Variants in BCR observed in about 807,000 individuals in gnomAD.
BCR encodes the protein BCR activator of RhoGEF and GTPase, also known as breakpoint cluster region protein.
In BCR, 58 loss-of-function variants were observed where a neutral mutation model predicts 138.6. The observed-to-expected ratio is 0.42, with a 90% confidence interval of 0.34 to 0.52. BCR has a LOEUF of 0.52. Ranked by LOEUF, BCR falls within the 20% of genes least tolerant of loss-of-function variation. BCR has a pLI of 0.06. For synonymous variants in BCR, 786 were observed against 730.1 expected (o/e 1.08, Z -1.23); for missense variants, 1,599 against 1,727.2 (o/e 0.93, Z 1.32).
At chr22:23,254,694 G>T in intron 2 of BCR, 1 of 454,458 alleles carries the variant, frequency 2.2e-6, no homozygotes, top group East Asian at 6.1e-5. Flanking sequence ...CTTCAGCAAT[G>T]CTCTGGGGCC....
intron 15 of BCR, among the ~76,000 whole-genome samples, chr22:23,294,710 C>T (rs1423324683): frequency 6.6e-6 from 1 of 152,202 alleles, no homozygotes; most frequent in African/African-American, 2.4e-5. Flanking sequence ...ATAGAAATAT[C>T]TTAACAAGTA....
chr22:23,245,348 C>G (rs750980279), intron 1 of BCR, among the ~76,000 whole-genome samples: 3 of 152,146 alleles, frequency 2.0e-5, no homozygotes, highest in Non-Finnish European at 4.4e-5. Flanking sequence ...TACGCTGATT[C>G]ATGACCCTGA....
rs755020236 is a variant in BCR, at chr22:23,253,821, T to C, written c.1302T>C (p.Pro434=). 1.2e-6 allele frequency: 2 copies of C among 1,612,502 alleles called. No individual in the cohort carries two copies. The highest frequency in any genetic ancestry group is 3.3e-5 in the Admixed American group (2 of 59,974). ...GDADGSFGTP[P]GYGCAADRAE... is the part of the protein sequence containing the mutation. Reference sequence around the variant, plus strand: ...CAGATGGCTCGTTCGGAACACCACCTGGATACGGCTGCGCTGCAGACCGGG... The same window carrying C: ...CAGATGGCTCGTTCGGAACACCACCCGGATACGGCTGCGCTGCAGACCGGG... Residue 434 remains proline, a synonymous_variant, in exon 2 of 23, where the codon CCT becomes CCC. Transcript: ENST00000305877.
intron 1 of BCR, among the ~76,000 whole-genome samples, chr22:23,213,848 AAAGAAG>A (rs10560949): frequency 0.011 from 1,706 of 151,476 alleles, 25 homozygotes; most frequent in African/African-American, 0.039. Flanking sequence ...AAAAAAAAAA[AAAGAAG>A]AAGAAGGAGG....
At chr22:23,305,394 G>T (rs1470100564) in intron 16 of BCR, among the ~76,000 whole-genome samples, 2 of 152,198 alleles carry the variant, frequency 1.3e-5, no homozygotes, top group African/African-American at 4.8e-5. Context: ...CCTTTGGAAG[G>T]TTTACTCATA....
At position 23,265,171 on chromosome 22, in the gene BCR, A is replaced by T. The variant is rs188171296; in HGVS notation, c.1753-3237A>T. On this transcript the variant is annotated intron_variant, in intron 4 of 22. Transcript: ENST00000305877. ...GAGGAACACTGGAATTTAACTTTGG[A>T]AGGTTTCCGCTGGCTGCCCTGGAGG... Among the ~76,000 whole-genome samples, 454 of 152,302 alleles carry T rather than the reference A, an allele frequency of 3.0e-3. 1 individual carries two copies. Among genetic ancestry groups the T allele is most frequent in the African/African-American group, 1.0e-2 (414 of 41,558 alleles).
intron 1 of BCR, among the ~76,000 whole-genome samples, chr22:23,228,176 A>T (rs192727519): frequency 5.9e-5 from 9 of 152,164 alleles, no homozygotes; most frequent in South Asian, 4.2e-4. Context: ...TTCATCTTTT[A>T]AAAAAAATTT....
rs901912960 is a variant in BCR, at chr22:23,291,475, C to G, written c.2782+1062C>G. Among the ~76,000 whole-genome samples, 4 of 152,004 alleles carry G rather than the reference C, an allele frequency of 2.6e-5. No homozygotes were observed. In the South Asian group the frequency reaches 6.2e-4, roughly 24 times the overall value. ...TCATAACATAATCTTTCTCCTGGGC[C>G]CCTGTCTCTGGCTGCCTCATAAACG... On this transcript the variant is annotated intron_variant, in intron 14 of 22. Coordinates refer to ENST00000305877, the MANE Select transcript of BCR (RefSeq NM_004327.4).
intron 14 of BCR, 21 bp from the exon 15 acceptor site, chr22:23,292,520 C>A: frequency 6.3e-7 from 1 of 1,581,718 alleles, no homozygotes; most frequent in South Asian, 1.1e-5. Flanking sequence ...TGACCTTCTC[C>A]ATGTCCACTT....
chr22:23,297,246 A>T, intron 16 of BCR, among the ~76,000 whole-genome samples: 1 of 118,932 alleles, frequency 8.4e-6, no homozygotes, highest in East Asian at 2.2e-4. Context: ...TTCGAGACAG[A>T]GTTTTGCTCT....
intron 1 of BCR, chr22:23,198,336 G>A (rs765382833): frequency 1.1e-5 from 5 of 442,488 alleles, no homozygotes; most frequent in South Asian, 4.9e-5. Flanking sequence ...GAGGGGACTG[G>A]TGGGCTGGAG....
At chr22:23,249,431 CAAAAA>C (rs535635463) in intron 1 of BCR, among the ~76,000 whole-genome samples, 1 of 66,204 alleles carries the variant, frequency 1.5e-5, no homozygotes, top group Non-Finnish European at 3.2e-5. Context: ...GACTCTGTCT[CAAAAA>C]AAAAAAAAAA....
intron 22 of BCR, among the ~76,000 whole-genome samples, chr22:23,315,021 A>G (rs180808): frequency 0.11 from 16,742 of 152,102 alleles, 1,542 homozygotes; most frequent in East Asian, 0.54. Context: ...AGGTGTTTGA[A>G]ACCAGTCTGG....
chr22:23,257,240 C>T (rs1308274083), intron 2 of BCR, among the ~76,000 whole-genome samples: 2 of 152,190 alleles, frequency 1.3e-5, no homozygotes, highest in East Asian at 1.9e-4. Flanking sequence ...TGAGTCTTGT[C>T]TCCACCCCAC....
intron 6 of BCR, among the ~76,000 whole-genome samples, chr22:23,272,198 G>T (rs1394484777): frequency 3.9e-5 from 6 of 152,202 alleles, no homozygotes; most frequent in Non-Finnish European, 7.3e-5. Flanking sequence ...GGCTTTAAGT[G>T]GCTGGGCAGG....
In BCR at chr22:23,288,199, C is replaced by A. The variant is rs750002256; in HGVS notation, c.2602+27C>A. The A allele has an allele frequency of 2.5e-6, 4 of 1,603,664 alleles. No individual in the cohort carries two copies. In the Admixed American group the frequency reaches 6.7e-5, roughly 27 times the overall value. On this transcript the variant is annotated intron_variant, in intron 12 of 22. Transcript: ENST00000305877. ...TGAGTATCCTCTGTCCTGAGAGGGGCTGGGCTTCAAACCATTAGGGCCAGG... is the reference window on the plus strand; with the variant it reads ...TGAGTATCCTCTGTCCTGAGAGGGGATGGGCTTCAAACCATTAGGGCCAGG...
At chr22:23,275,634 G>A (rs2073567179) in intron 8 of BCR, among the ~76,000 whole-genome samples, 1 of 152,122 alleles carries the variant, frequency 6.6e-6, no homozygotes, top group Admixed American at 6.5e-5. Context: ...TCTCTTCCCT[G>A]GCTCAGGGCC....
At chr22:23,182,386 C>T (rs2072281319) in intron 1 of BCR, 147 bp downstream of exon 1, 1 of 942,654 alleles carries the variant, frequency 1.1e-6, no homozygotes, top group Middle Eastern at 3.3e-4. Context: ...GGATCCTGCA[C>T]CCGAACAAAC....
At chr22:23,217,093 C>A (rs542770794) in intron 1 of BCR, 87 of 439,596 alleles carry the variant, frequency 2.0e-4, no homozygotes, top group African/African-American at 1.7e-3. Context: ...TTGCTCCCAC[C>A]ACAGGATTTT....
Sources: allele counts gnomAD v4.1 joint callset (sites outside exome capture counted in the v4.1 genomes callset), GRCh38; gene constraint gnomAD v4.1.1; transcripts MANE v1.5; gene names NCBI Gene and HGNC (gene_info 2026-07-23, HGNC 2026-07-21).